MTUS2: variants seen among roughly 807,000 people sequenced by gnomAD.
MTUS2 encodes the protein microtubule-associated tumor suppressor candidate 2.
A neutral mutation model predicts 114.1 loss-of-function variants in MTUS2; 40 were observed. That is an observed-to-expected ratio of 0.35 (90% CI 0.27 to 0.46). The LOEUF (loss-of-function observed/expected upper bound fraction) is 0.46. Ranked by LOEUF, MTUS2 falls within the 20% of genes least tolerant of loss-of-function variation. The probability of loss-of-function intolerance (pLI) is 1.00; values close to 1 mark genes in which losing one functional copy is unlikely to be tolerated. For missense variants in MTUS2, 1,679 were observed against 1,705.4 expected (o/e 0.98, Z 0.27); for synonymous variants, 688 against 672.0 (o/e 1.02, Z -0.37).
chr13:29,297,516 A>G (rs1279373217), intron 6 of MTUS2, among the ~76,000 whole-genome samples: 2 of 152,134 alleles, frequency 1.3e-5, no homozygotes, highest in Non-Finnish European at 2.9e-5. Flanking sequence ...GGCCTTTAAA[A>G]CCTATAGACC....
chr13:28,982,095 A>T (rs1345666382), intron 2 of MTUS2, among the ~76,000 whole-genome samples: 1 of 152,162 alleles, frequency 6.6e-6, no homozygotes, highest in Admixed American at 6.5e-5. Flanking sequence ...CTGCATCTGG[A>T]CCAAGTAAAA....
intron 5 of MTUS2, among the ~76,000 whole-genome samples, chr13:29,136,114 T>C (rs774809585): frequency 6.6e-6 from 1 of 152,230 alleles, no homozygotes; most frequent in African/African-American, 2.4e-5. Context: ...GATCTTTATT[T>C]CTTCATATGG....
chr13:28,882,649 C>G (rs1016464095), intron 2 of MTUS2, among the ~76,000 whole-genome samples: 3 of 152,112 alleles, frequency 2.0e-5, no homozygotes, highest in Non-Finnish European at 2.9e-5. Context: ...AGGCAAGAAG[C>G]TCACTTGAGC....
At chr13:29,279,669 TTA>T (rs1405830407) in intron 5 of MTUS2, among the ~76,000 whole-genome samples, 3 of 152,224 alleles carry the variant, frequency 2.0e-5, no homozygotes, top group Admixed American at 2.0e-4. Flanking sequence ...GTGTTATATA[TTA>T]TTTTATTTTT....
chr13:29,325,487 A>AGGGGG (rs1460957029), intron 7 of MTUS2, among the ~76,000 whole-genome samples: 1 of 122,334 alleles, frequency 8.2e-6, no homozygotes, highest in Non-Finnish European at 1.7e-5. Flanking sequence ...AAGAAGAGGA[A>AGGGGG]GAGGGAGGAG....
chr13:29,022,410 C>T (rs563147873), intron 2 of MTUS2, among the ~76,000 whole-genome samples: 2 of 152,214 alleles, frequency 1.3e-5, no homozygotes, highest in Non-Finnish European at 2.9e-5. Flanking sequence ...TGCTGTGTTG[C>T]CAAGGCTGAC....
intron 7 of MTUS2, among the ~76,000 whole-genome samples, chr13:29,357,562 A>G (rs1027599736): frequency 1.1e-4 from 17 of 152,212 alleles, no homozygotes; most frequent in African/African-American, 4.1e-4. Flanking sequence ...CTTAGAGTTT[A>G]ATGCAGGCAA....
chr13:29,142,036 AT>A (rs1892244572), intron 5 of MTUS2, among the ~76,000 whole-genome samples: 1 of 151,532 alleles, frequency 6.6e-6, no homozygotes, highest in African/African-American at 2.4e-5. Flanking sequence ...ATTTTTTTGT[AT>A]TTTTAGTAGA....
intron 5 of MTUS2, among the ~76,000 whole-genome samples, chr13:29,214,536 A>G (rs4368030): frequency 0.72 from 108,815 of 152,132 alleles, 39,216 homozygotes; most frequent in East Asian, 0.8. Context: ...CTTCAGGAGC[A>G]TCTTATAAGG....
At chr13:29,319,546 A>G (rs1900164927) in intron 6 of MTUS2, among the ~76,000 whole-genome samples, 1 of 152,164 alleles carries the variant, frequency 6.6e-6, no homozygotes, top group Admixed American at 6.5e-5. Context: ...TCATCGTCCC[A>G]ACTCACATCT....
chr13:29,492,181 GTA>G (rs1882210878), intron 11 of MTUS2, among the ~76,000 whole-genome samples: 1 of 1,632 alleles, frequency 6.1e-4, no homozygotes, highest in Non-Finnish European at 1.9e-3. Flanking sequence ...GATGTGTGTG[GTA>G]GGTGTGTATG....
rs528948788 is a variant in MTUS2 at position 29,269,566 on chromosome 13, T to G, written c.2645-12138T>G. Among the ~76,000 whole-genome samples, 10 of 152,258 alleles carry G rather than the reference T, an allele frequency of 6.6e-5. 1 individual carries two copies. In the East Asian group the frequency reaches 1.9e-3, roughly 29 times the overall value. On this transcript the variant is annotated intron_variant, in intron 5 of 15. Transcript: ENST00000612955. ...TTAAAAGGACAAAAGATAACACATG[T>G]TGGTGAAGATGTGGAGAAATAGGAA...
intron 6 of MTUS2, among the ~76,000 whole-genome samples, chr13:29,316,986 T>TG (rs1248135703): frequency 2.0e-5 from 3 of 152,116 alleles, no homozygotes; most frequent in Admixed American, 1.3e-4. Context: ...TTATTGGGCT[T>TG]GGGGGGGAAT....
intron 2 of MTUS2, among the ~76,000 whole-genome samples, chr13:28,916,182 C>G (rs956723223): frequency 9.2e-5 from 14 of 151,924 alleles, no homozygotes; most frequent in Non-Finnish European, 1.6e-4. Context: ...CAGTAACATA[C>G]TGTTTTTGTT....
chr13:29,253,726 A>G (rs1274446884), intron 5 of MTUS2, among the ~76,000 whole-genome samples: 3 of 152,198 alleles, frequency 2.0e-5, no homozygotes, highest in Admixed American at 6.5e-5. Flanking sequence ...TATAAAGAAA[A>G]AGAGGTTTAA....
intron 3 of MTUS2, 140 bp from the exon 4 acceptor site, chr13:29,033,745 C>T (rs1005792080): frequency 5.0e-5 from 48 of 962,768 alleles, no homozygotes; most frequent in Middle Eastern, 2.9e-4. Context: ...CACTGTGGCC[C>T]GGGGAAGGTA....
intron 2 of MTUS2, among the ~76,000 whole-genome samples, chr13:28,883,286 A>G (rs576371301): frequency 5.3e-5 from 8 of 152,362 alleles, no homozygotes; most frequent in East Asian, 3.9e-4. Context: ...CAACTCGGCA[A>G]TTGCACTATT....
chr13:29,503,207 C>T lies in MTUS2; in HGVS notation c.*1C>T. ...CAGAGTCAGCACAACACCCAGATGA[C>T]GCCACTACACGGCCTGCGGGAGCTC... On this transcript the variant is annotated 3_prime_UTR_variant, in exon 16 of 16. Coordinates refer to ENST00000612955, the MANE Select transcript of MTUS2 (RefSeq NM_001033602.4). The T allele has an allele frequency of 1.2e-6, 2 of 1,613,442 alleles. No individual in the cohort carries two copies. The highest frequency in any genetic ancestry group is 1.7e-6 in the Non-Finnish European group (2 of 1,180,022).
chr13:28,836,259 GT>G (rs1566167277), intron 1 of MTUS2, among the ~76,000 whole-genome samples: 2 of 152,146 alleles, frequency 1.3e-5, no homozygotes, highest in Admixed American at 6.5e-5. Flanking sequence ...GCACGTCTCA[GT>G]TTAGGCTAGC....
Sources: allele counts gnomAD v4.1 joint callset (sites outside exome capture counted in the v4.1 genomes callset), GRCh38; gene constraint gnomAD v4.1.1; transcripts MANE v1.5; gene names NCBI Gene and HGNC (gene_info 2026-07-23, HGNC 2026-07-21).